NUP98: variants seen among roughly 807,000 people sequenced by gnomAD.
NUP98 encodes nucleoporin 98 and 96 precursor, also known as nuclear pore complex protein Nup98-Nup96.
A neutral mutation model predicts 191.9 loss-of-function variants in NUP98; 26 were observed. The observed-to-expected ratio is 0.14, with a 90% CI of 0.10 to 0.19. The LOEUF (loss-of-function observed/expected upper bound fraction) is 0.19. Ranked by LOEUF, NUP98 falls within the 10% of genes least tolerant of loss-of-function variation. NUP98 has a pLI of 1.00. For missense variants in NUP98, 1,941 were observed against 2,178.8 expected, an observed-to-expected ratio of 0.89 and a Z score of 2.17; for synonymous variants, 808 against 778.4, an observed-to-expected ratio of 1.04 and a Z score of -0.63.
chr11:3,685,885 T>C (rs2078119204), intron 29 of NUP98, 88 bp downstream of exon 29: 5 of 1,000,260 alleles, frequency 5.0e-6, no homozygotes, highest in South Asian at 2.7e-5. Context: ...CACAATTACT[T>C]GCTAAACTGA....
intron 8 of NUP98, among the ~76,000 whole-genome samples, chr11:3,765,239 G>C (rs1309724740): frequency 6.6e-6 from 1 of 152,136 alleles, no homozygotes; most frequent in East Asian, 1.9e-4. Context: ...GCTCAGGCTA[G>C]AGTGCAGTGG....
At chr11:3,725,872 C>G (rs1273369436) in intron 14 of NUP98, among the ~76,000 whole-genome samples, 2 of 152,150 alleles carry the variant, frequency 1.3e-5, no homozygotes, top group Non-Finnish European at 2.9e-5. Flanking sequence ...TGTAGTGGTA[C>G]AATCGCTGAT....
chr11:3,689,508 C>T (rs1436949687), intron 28 of NUP98, among the ~76,000 whole-genome samples: 1 of 151,888 alleles, frequency 6.6e-6, no homozygotes, highest in East Asian at 1.9e-4. Flanking sequence ...GCCTGGGCAA[C>T]TGAGCAAGAG....
intron 3 of NUP98, 40 bp from the exon 4 acceptor site, chr11:3,779,089 A>G (rs754619978): frequency 6.2e-7 from 1 of 1,613,396 alleles, no homozygotes; most frequent in Non-Finnish European, 8.5e-7. Context: ...TAAGTACATC[A>G]GAGCCACTAA....
At chr11:3,794,693 C>T (rs1342602555) in intron 1 of NUP98, among the ~76,000 whole-genome samples, 1 of 152,198 alleles carries the variant, frequency 6.6e-6, no homozygotes, top group African/African-American at 2.4e-5. Flanking sequence ...CACAGCACTG[C>T]AGTCTCAATC....
intron 9 of NUP98, among the ~76,000 whole-genome samples, chr11:3,760,927 G>T (rs1242582834): frequency 6.6e-6 from 1 of 152,072 alleles, no homozygotes; most frequent in Non-Finnish European, 1.5e-5. Context: ...AAATAACAAG[G>T]CCATCAAATA....
intron 20 of NUP98, among the ~76,000 whole-genome samples, chr11:3,709,570 T>C (rs2078969936): frequency 6.6e-6 from 1 of 151,214 alleles, no homozygotes; most frequent in Non-Finnish European, 1.5e-5. Context: ...GCTGGCATGA[T>C]GGCATGCACC....
At chr11:3,734,845 T>C (rs1314711891) in intron 13 of NUP98, among the ~76,000 whole-genome samples, 2 of 152,154 alleles carry the variant, frequency 1.3e-5, no homozygotes, top group African/African-American at 4.8e-5. Context: ...GGCGGGAGGA[T>C]TCCTTCCAGG....
intron 5 of NUP98, among the ~76,000 whole-genome samples, chr11:3,774,102 T>C (rs548591626): frequency 6.6e-6 from 1 of 152,230 alleles, no homozygotes; most frequent in African/African-American, 2.4e-5. Context: ...TAATGCTGCA[T>C]TAAAAAAATA....
chr11:3,685,840 G>A (rs1427226314), intron 29 of NUP98, 133 bp downstream of exon 29: 2 of 694,436 alleles, frequency 2.9e-6, no homozygotes, highest in Non-Finnish European at 2.5e-6. Context: ...ACTATCTTGA[G>A]GTTTATCACA....
intron 23 of NUP98, among the ~76,000 whole-genome samples, chr11:3,701,842 C>T (rs947346339): frequency 1.3e-5 from 2 of 151,910 alleles, no homozygotes; most frequent in Non-Finnish European, 1.5e-5. Flanking sequence ...CCTGCCACAA[C>T]GCCCAGCTAA....
chr11:3,737,668 C>A (rs2080120071), intron 12 of NUP98, among the ~76,000 whole-genome samples: 1 of 151,910 alleles, frequency 6.6e-6, no homozygotes, highest in African/African-American at 2.4e-5. Context: ...GCTGCTATAG[C>A]TAAATTAATG....
intron 13 of NUP98, among the ~76,000 whole-genome samples, chr11:3,734,939 A>G (rs1260980499): frequency 6.6e-6 from 1 of 152,218 alleles, no homozygotes; most frequent in Admixed American, 6.5e-5. Flanking sequence ...GAGAACATTA[A>G]TATCTGCCTT....
At chr11:3,787,044 C>T (rs767757208) in intron 1 of NUP98, among the ~76,000 whole-genome samples, 5 of 152,148 alleles carry the variant, frequency 3.3e-5, no homozygotes, top group African/African-American at 1.2e-4. Flanking sequence ...TCTCATCTAA[C>T]CTTCACAAAA....
chr11:3,751,540 T>C (rs1051903680), intron 11 of NUP98, among the ~76,000 whole-genome samples: 2 of 152,176 alleles, frequency 1.3e-5, no homozygotes, highest in Admixed American at 6.5e-5. Context: ...TCTGAATTGT[T>C]AAAAACTTTT....
At chr11:3,785,949 C>G (rs923252382) in intron 1 of NUP98, among the ~76,000 whole-genome samples, 2 of 151,658 alleles carry the variant, frequency 1.3e-5, no homozygotes, top group African/African-American at 2.4e-5. Context: ...ATATGTTAAA[C>G]TGGCCCAAGC....
chr11:3,786,714 T>G (rs1266390262), intron 1 of NUP98, among the ~76,000 whole-genome samples: 1 of 152,224 alleles, frequency 6.6e-6, no homozygotes, highest in African/African-American at 2.4e-5. Flanking sequence ...TCTTAACTTT[T>G]GTGATCTCTG....
rs562476673 is a variant in NUP98, at chr11:3,724,826, A to G, written c.1847+277T>C. 3.3e-5 allele frequency among the ~76,000 whole-genome samples: 5 copies of G among 151,496 alleles called. No individual in the cohort carries two copies. The East Asian group carries it at 7.8e-4, about 23-fold the overall frequency. ...ATCATCACAGACAAAATATCCCTTAAAGGGCTAAAGGGTGTCAAATACATG... is the reference window on the plus strand; with the variant it reads ...ATCATCACAGACAAAATATCCCTTAGAGGGCTAAAGGGTGTCAAATACATG... On this transcript the variant is annotated intron_variant, in intron 15 of 32. Transcript: ENST00000324932.
intron 11 of NUP98, among the ~76,000 whole-genome samples, chr11:3,745,700 C>T (rs1418125897): frequency 6.6e-6 from 1 of 152,062 alleles, no homozygotes; most frequent in Non-Finnish European, 1.5e-5. Context: ...GTAATCCTCC[C>T]ACCTTAGCCT....
Sources: allele counts gnomAD v4.1 joint callset (sites outside exome capture counted in the v4.1 genomes callset), GRCh38; gene constraint gnomAD v4.1.1; transcripts MANE v1.5; gene names NCBI Gene and HGNC (gene_info 2026-07-23, HGNC 2026-07-21).